Variants in PCDHGB3 observed in about 807,000 individuals in gnomAD.
PCDHGB3 encodes the protein protocadherin gamma-B3.
PCDHGB3 carries 40 observed loss-of-function variants against 59.2 expected under a neutral mutation model. The ratio of observed to expected loss-of-function variants is 0.68; its 90% CI spans 0.52 to 0.88. PCDHGB3 has a LOEUF of 0.88. PCDHGB3 is among the 40% of genes least tolerant of loss of function. PCDHGB3 has a pLI of 0.00. For synonymous variants in PCDHGB3, 581 were observed against 503.6 expected (o/e 1.15, Z -2.06); for missense variants, 1,309 against 1,187.9 (o/e 1.10, Z -1.50).
chr5:141,490,399 C>T lies in PCDHGB3; in HGVS notation c.2416-4408C>T. The T allele has an allele frequency of 1.2e-6, 2 of 1,614,148 alleles. No homozygotes were observed. Among genetic ancestry groups the T allele is most frequent in the Non-Finnish European group, 1.7e-6 (2 of 1,180,016 alleles). On this transcript the variant is annotated intron_variant, in intron 1 of 3. Transcript: ENST00000576222. This position sits in a 1 kb window ranked among gnomAD's most constrained non-coding sequence, Gnocchi z 5.4. ...CTCAGGTAGAAATGGTGAAGTGAGC[C>T]TTGATATCTCTCCGGACCTGCCATT... is the stretch of plus-strand genomic sequence containing the variant.
In PCDHGB3 at chr5:141,489,782, A is replaced by C. The variant is rs770399288; in HGVS notation, c.2416-5025A>C. On this transcript the variant is annotated intron_variant, in intron 1 of 3. Coordinates refer to ENST00000576222, the MANE Select transcript of PCDHGB3 (RefSeq NM_018924.5). The surrounding 1 kb of genome is among the most constrained non-coding windows in gnomAD (Gnocchi z 4.5). ...AGCCCCAACAGCCACTTCTCTCTGA[A>C]TGTGAAGACCCTAAAAGATGGGAAG... 2 of 1,614,078 alleles carry C rather than the reference A, an allele frequency of 1.2e-6. No homozygotes were observed. The highest frequency in any genetic ancestry group is 2.2e-5 in the East Asian group (1 of 44,894).
At chr5:141,419,528 G>A (rs966922299) in intron 1 of PCDHGB3, 10 of 1,612,056 alleles carry the variant, frequency 6.2e-6, no homozygotes, top group Admixed American at 1.7e-5. Flanking sequence ...CGACCGTAAC[G>A]ACAACGCACC....
At chr5:141,393,168 G>T (rs1486915956) in intron 1 of PCDHGB3, 1 of 1,613,100 alleles carries the variant, frequency 6.2e-7, no homozygotes, top group Non-Finnish European at 8.5e-7. Context: ...ACTCTTTGGG[G>T]TAGAAATAGA....
chr5:141,458,463 C>T (rs749353395), intron 1 of PCDHGB3, among the ~76,000 whole-genome samples: 15 of 151,844 alleles, frequency 9.9e-5, no homozygotes, highest in Admixed American at 8.5e-4. Flanking sequence ...TTTAAAATAC[C>T]GTACAACTGC....
chr5:141,415,522 C>T, intron 1 of PCDHGB3: 1 of 1,614,178 alleles, frequency 6.2e-7, no homozygotes, highest in African/African-American at 1.3e-5. Flanking sequence ...TGCGGACACG[C>T]TCATCAGCCA....
At chr5:141,448,247 A>G (rs1449158776) in intron 1 of PCDHGB3, among the ~76,000 whole-genome samples, 1 of 152,104 alleles carries the variant, frequency 6.6e-6, no homozygotes, top group Non-Finnish European at 1.5e-5. Flanking sequence ...TTTGCACAAC[A>G]GGATCATTTT....
At chr5:141,376,163 G>C in intron 1 of PCDHGB3, 11 of 1,614,112 alleles carry the variant, frequency 6.8e-6, no homozygotes, top group Non-Finnish European at 9.3e-6. Flanking sequence ...TCTGTACCTG[G>C]TGGTGGCGGT....
Position 141,510,866 on chromosome 5 carries a change from C to G in PCDHGB3, c.2564-81C>G. 1.9e-6 allele frequency: 3 copies of G among 1,607,908 alleles called. No homozygotes were observed. The East Asian group carries it at 6.7e-5, about 36-fold the overall frequency. ...AGGCCCAGGGTGCTGTATAGGCATT[C>G]ATTAACTGCTGGGGATATAAGACAG... On this transcript the variant is annotated intron_variant, in intron 3 of 3. Coordinates refer to ENST00000576222, the MANE Select transcript of PCDHGB3 (RefSeq NM_018924.5).
chr5:141,421,216 T>G, intron 1 of PCDHGB3: 1 of 1,567,154 alleles, frequency 6.4e-7, no homozygotes, highest in Non-Finnish European at 8.6e-7. Flanking sequence ...GAATATCGGC[T>G]TAGAGCCTGC....
In PCDHGB3 at chr5:141,404,211, T is replaced by C. The variant is rs1423741415; in HGVS notation, c.2415+31402T>C. ...CGAGAAAAAGCCTCAGAATATAATATCACGGTGACTGCAACAGACAGAGGA... is the reference window on the plus strand; with the variant it reads ...CGAGAAAAAGCCTCAGAATATAATACCACGGTGACTGCAACAGACAGAGGA... On this transcript the variant is annotated intron_variant, in intron 1 of 3. Coordinates refer to ENST00000576222, the MANE Select transcript of PCDHGB3 (RefSeq NM_018924.5). 3 of 1,613,606 alleles carry C rather than the reference T, an allele frequency of 1.9e-6. No homozygotes were observed. The Admixed American group carries it at 5.0e-5, about 27-fold the overall frequency.
chr5:141,417,028 GTTT>G, intron 1 of PCDHGB3: 2 of 150,056 alleles, frequency 1.3e-5, no homozygotes, highest in East Asian at 3.9e-4. Flanking sequence ...AAAAATACAG[GTTT>G]TTTTTTTAAA....
intron 3 of PCDHGB3, among the ~76,000 whole-genome samples, chr5:141,509,732 C>T (rs931066969): frequency 3.9e-5 from 6 of 152,182 alleles, no homozygotes; most frequent in Non-Finnish European, 5.9e-5. Flanking sequence ...CTAGCTGTGG[C>T]ACTCTGAGCC....
chr5:141,400,923 T>C (rs1453975530), intron 1 of PCDHGB3, among the ~76,000 whole-genome samples: 1 of 152,260 alleles, frequency 6.6e-6, no homozygotes, highest in Admixed American at 6.5e-5. Flanking sequence ...AAGAAACTGC[T>C]AGTAGATGTC....
intron 1 of PCDHGB3, among the ~76,000 whole-genome samples, chr5:141,482,056 G>A (rs1271837619): frequency 1.3e-5 from 2 of 149,012 alleles, no homozygotes; most frequent in Non-Finnish European, 3.0e-5. Context: ...TTGCATTCCA[G>A]CCTGGGCAAC....
rs1562137380 is a variant in PCDHGB3, at chr5:141,490,297, G to T, written c.2416-4510G>T. On this transcript the variant is annotated intron_variant, in intron 1 of 3. Coordinates refer to ENST00000576222, the MANE Select transcript of PCDHGB3 (RefSeq NM_018924.5). This position sits in a 1 kb window ranked among gnomAD's most constrained non-coding sequence, Gnocchi z 5.4. The stretch of plus-strand genomic sequence containing the variant: ...TGACAATGCCCCAGAGGTGCTATTG[G>T]CCTCTTTGGCCAACCCTGTCCTAGA... 2 of 1,614,202 alleles carry T rather than the reference G, an allele frequency of 1.2e-6. No individual in the cohort carries two copies. Among genetic ancestry groups the T allele is most frequent in the South Asian group, 1.1e-5 (1 of 91,086 alleles).
chr5:141,476,206 C>A lies in PCDHGB3; in HGVS notation c.2416-18601C>A. On this transcript the variant is annotated intron_variant, in intron 1 of 3. Transcript: ENST00000576222. This position sits in a 1 kb window ranked among gnomAD's most constrained non-coding sequence, Gnocchi z 7.6. ...TGCTTGGTGCCTTGAACAAGGCTTC[C>A]ACGGTCATTCACTATGAGATCCCGG... 1 of 1,613,930 alleles carries A rather than the reference C, an allele frequency of 6.2e-7. No individual in the cohort carries two copies. The highest frequency in any genetic ancestry group is 1.7e-5 in the Admixed American group (1 of 60,004).
At chr5:141,390,532 T>C (rs1413146925) in intron 1 of PCDHGB3, 1 of 531,632 alleles carries the variant, frequency 1.9e-6, no homozygotes, top group Admixed American at 3.5e-5. Context: ...GGTGTGGTTT[T>C]AACCACAAAG....
chr5:141,421,847 C>G, intron 1 of PCDHGB3: 1 of 1,613,752 alleles, frequency 6.2e-7, no homozygotes, highest in Non-Finnish European at 8.5e-7. Flanking sequence ...GAGAAAGAGG[C>G]TGCTCACCTG....
intron 2 of PCDHGB3, 35 bp from the exon 3 acceptor site, chr5:141,505,358 G>A (rs1156448862): frequency 6.2e-7 from 1 of 1,613,796 alleles, no homozygotes; most frequent in Non-Finnish European, 8.5e-7. Context: ...GTGCCGGCCT[G>A]GGAGTCTGTG....
Sources: allele counts gnomAD v4.1 joint callset (sites outside exome capture counted in the v4.1 genomes callset), GRCh38; gene constraint gnomAD v4.1.1; non-coding constraint Gnocchi (gnomAD v3.1); transcripts MANE v1.5; gene names NCBI Gene and HGNC (gene_info 2026-07-23, HGNC 2026-07-21).